GGCX: variants seen among roughly 807,000 people sequenced by gnomAD.
The protein encoded by GGCX is vitamin K-dependent gamma-carboxylase.
GGCX carries 63 observed loss-of-function variants against 88.5 expected under a neutral mutation model. The observed-to-expected ratio is 0.71, with a 90% confidence interval of 0.58 to 0.88. The LOEUF is 0.88. GGCX is among the 40% of genes least tolerant of loss of function. The probability of loss-of-function intolerance (pLI) is 0.00; values close to 1 mark genes in which losing one functional copy is unlikely to be tolerated. For missense variants in GGCX, 805 were observed against 932.9 expected (o/e 0.86, Z 1.79); for synonymous variants, 368 against 365.8 (o/e 1.01, Z -0.07).
rs1691804357 is a variant in GGCX, at chr2:85,549,115, C to T, written c.*819G>A. ...AATTAAGAAAACATGTTTTAAGCTG[C>T]ATTATTTCAGATTATCAGTGATTCT... is the stretch of plus-strand genomic sequence containing the variant. On this transcript the variant is annotated 3_prime_UTR_variant, in exon 15 of 15. Coordinates refer to ENST00000233838, the MANE Select transcript of GGCX (RefSeq NM_000821.7). 1 of 152,208 alleles carries T rather than the reference C, an allele frequency of 6.6e-6. No homozygotes were observed. The highest frequency in any genetic ancestry group is 2.4e-5 in the African/African-American group (1 of 41,458). 9.4% of individuals were successfully genotyped at this position (152,208 alleles called of 1,614,324 possible).
At chr2:85,551,636 C>G in intron 11 of GGCX, 26 bp from the exon 12 acceptor site, 5 of 1,612,416 alleles carry the variant, frequency 3.1e-6, no homozygotes, top group Non-Finnish European at 4.2e-6. Context: ...AGTTCATCAT[C>G]CCACCCCATG....
intron 4 of GGCX, among the ~76,000 whole-genome samples, chr2:85,557,550 T>C (rs1412947797): frequency 6.6e-6 from 1 of 152,192 alleles, no homozygotes; most frequent in East Asian, 1.9e-4. Context: ...CTTAATTCTC[T>C]ATGATCAGAG....
chr2:85,560,991 A>G lies in GGCX; in HGVS notation c.44-6T>C. 6.2e-7 allele frequency: 1 copy of G among 1,610,644 alleles called. No homozygotes were observed. The highest frequency in any genetic ancestry group is 8.5e-7 in the Non-Finnish European group (1 of 1,176,784). The stretch of plus-strand genomic sequence containing the variant: ...CTTGTCTTTCTGTACTTTATCTGCA[A>G]TCAATAAATGGAGAAAATATGTGTG... On this transcript the variant is annotated splice_region_variant and splice_polypyrimidine_tract_variant and intron_variant, in intron 1 of 14. Coordinates refer to ENST00000233838, the MANE Select transcript of GGCX (RefSeq NM_000821.7).
rs1008205514 is a variant in GGCX, at chr2:85,547,109, CAG to C, written c.*2823_*2824del. ...AAGGTGGTGGAGGAACATTAGGCCA[CAG>C]GGAGCAGAGGGAAAGCATAACAGCA... On this transcript the variant is annotated 3_prime_UTR_variant, in exon 15 of 15. Transcript: ENST00000233838. 1 of 152,204 alleles carries C rather than the reference CAG, an allele frequency of 6.6e-6. No homozygotes were observed. The highest frequency in any genetic ancestry group is 2.4e-5 in the African/African-American group (1 of 41,414). 9.4% of individuals were successfully genotyped at this position (152,204 alleles called of 1,614,324 possible).
At position 85,553,071 on chromosome 2, in the gene GGCX, C is replaced by T; in HGVS notation, c.1156-1G>A. On this transcript the variant is annotated splice_acceptor_variant, in intron 8 of 14. Coordinates refer to ENST00000233838, the MANE Select transcript of GGCX (RefSeq NM_000821.7). LOFTEE classifies it high-confidence loss of function. The stretch of plus-strand genomic sequence containing the variant: ...GCCCATTTGTCCAGTTGTTATAGCC[C>T]TGGGAAGGCAGCACAGAGGGGAATC... 1 of 1,614,186 alleles carries T rather than the reference C, an allele frequency of 6.2e-7. No individual in the cohort carries two copies. Among genetic ancestry groups the T allele is most frequent in the Non-Finnish European group, 8.5e-7 (1 of 1,180,026 alleles).
chr2:85,550,205 C>A, intron 14 of GGCX, 79 bp from the exon 15 acceptor site: 1 of 1,044,706 alleles, frequency 9.6e-7, no homozygotes, highest in Non-Finnish European at 1.5e-6. Flanking sequence ...TTAGAAGGCA[C>A]CTGGTCCTCA....
Position 85,549,596 on chromosome 2 carries a change from A to G in GGCX, c.*338T>C, listed in dbSNP as rs539761806. 2.5e-3 allele frequency: 805 copies of G among 316,468 alleles called. 3 individuals carry two copies. Among genetic ancestry groups the G allele is most frequent in the Non-Finnish European group, 3.3e-3 (539 of 164,300 alleles). 19.6% of individuals were successfully genotyped at this position (316,468 alleles called of 1,614,324 possible). On this transcript the variant is annotated 3_prime_UTR_variant, in exon 15 of 15. Transcript: ENST00000233838. ...GGCTGGTCTCGAACTCCTGGCCTCA[A>G]GTGATCTGCCCACCTCAGCCTCCCA...
chr2:85,554,058 C>T, intron 7 of GGCX, 85 bp downstream of exon 7: 1 of 1,078,172 alleles, frequency 9.3e-7, no homozygotes, highest in Non-Finnish European at 1.4e-6. Flanking sequence ...TCACACCACC[C>T]TCTCCCACTC....
rs1374948696 is a variant in GGCX at position 85,560,917 on chromosome 2, A to G, written c.112T>C (p.Leu38=). ...PRQDSRIGKL[L]GFEWTDLSSW... ...GACAAATCTGTCCACTCAAAACCCA[A>G]GAGTTTCCCTATTCGGCTGTCCTGC... The change falls in exon 2 of 15, where the codon TTG becomes CTG. Residue 38 remains leucine, a synonymous_variant. Transcript: ENST00000233838. 3.1e-6 allele frequency: 5 copies of G among 1,614,020 alleles called. No homozygotes were observed. The highest frequency in any genetic ancestry group is 4.2e-6 in the Non-Finnish European group (5 of 1,179,840).
intron 7 of GGCX, 124 bp from the exon 8 acceptor site, chr2:85,553,621 A>G (rs1418652026): frequency 1.1e-6 from 1 of 933,820 alleles, no homozygotes; most frequent in Non-Finnish European, 1.7e-6. Flanking sequence ...TTTTTTTTTG[A>G]GACAGTCTTT....
chr2:85,549,799 A>C lies in GGCX; in HGVS notation c.*135T>G. 1 of 667,632 alleles carries C rather than the reference A, an allele frequency of 1.5e-6. No homozygotes were observed. The allele number at this position is 667,632 out of a possible 1,614,324, so 41.4% of individuals were successfully genotyped here. On this transcript the variant is annotated 3_prime_UTR_variant, in exon 15 of 15. Transcript: ENST00000233838. Reference sequence around the variant, plus strand: ...TCCTCTAAGTTGTAATCTCGGAGTTAAAAACAGCTTTAGAACCCCGCCCCC... The same window carrying C: ...TCCTCTAAGTTGTAATCTCGGAGTTCAAAACAGCTTTAGAACCCCGCCCCC...
intron 3 of GGCX, 116 bp from the exon 4 acceptor site, chr2:85,558,721 T>A: frequency 1.1e-6 from 1 of 923,282 alleles, no homozygotes; most frequent in Non-Finnish European, 1.8e-6. Context: ...CACATAAAAC[T>A]AAATGAAAAT....
Position 85,558,432 on chromosome 2 carries a change from A to G in GGCX, c.539+8T>C. The G allele has an allele frequency of 6.2e-7, 1 of 1,612,312 alleles. No homozygotes were observed. Among genetic ancestry groups the G allele is most frequent in the African/African-American group, 1.3e-5 (1 of 74,958 alleles). ...CAACCCCTCCCCTTTGTCCCCCCTG[A>G]CTCATACCAGTAGTGGTTTGCATCC... On this transcript the variant is annotated splice_region_variant and intron_variant, in intron 4 of 14. Transcript: ENST00000233838.
intron 6 of GGCX, chr2:85,555,235 G>A (rs779923481): frequency 1.5e-5 from 6 of 393,332 alleles, no homozygotes; most frequent in Non-Finnish European, 2.9e-5. Flanking sequence ...AGCCAGTTCC[G>A]GCTCTTTCCT....
chr2:85,550,741 G>A lies in GGCX; in HGVS notation c.1898C>T (p.Pro633Leu). 1 of 1,613,866 alleles carries A rather than the reference G, an allele frequency of 6.2e-7. No homozygotes were observed. Among genetic ancestry groups the A allele is most frequent in the East Asian group, 2.2e-5 (1 of 44,892 alleles). Reference protein sequence around the residue: ...EKVENGSETGPLPPELQPLLE... With the variant: ...EKVENGSETGLLPPELQPLLE... ...CAGAGGCTGCAGCTCTGGGGGTAGA[G>A]GCCCTGTTTCTGCCCGGAAGACAGA... Residue 633 changes from proline (P) to leucine (L), a missense_variant, in exon 14 of 15, where the codon CCT becomes CTT. Physicochemically the swap from Pro to Leu is moderately conservative, Grantham distance 98. This residue lies in a region of GGCX where 680 missense variants were observed against 763.7 expected (regional missense o/e 0.89). Coordinates refer to ENST00000233838, the MANE Select transcript of GGCX (RefSeq NM_000821.7).
chr2:85,552,932 A>T lies in GGCX; in HGVS notation c.1287+7T>A. 6.2e-7 allele frequency: 1 copy of T among 1,614,176 alleles called. No homozygotes were observed. Among genetic ancestry groups the T allele is most frequent in the East Asian group, 2.2e-5 (1 of 44,892 alleles). On this transcript the variant is annotated splice_region_variant and intron_variant, in intron 9 of 14. Coordinates refer to ENST00000233838, the MANE Select transcript of GGCX (RefSeq NM_000821.7). ...GAACAGTAAATTGTCAGCATCAGAC[A>T]TCTCACCCCAGGGTTAAGGTAGCCC... is the stretch of plus-strand genomic sequence containing the variant.
intron 1 of GGCX, 110 bp downstream of exon 1, chr2:85,561,276 A>T: frequency 7.2e-6 from 4 of 557,282 alleles, no homozygotes; most frequent in African/African-American, 3.6e-5. Context: ...TTCCCCACAG[A>T]GGACCCCCCC....
chr2:85,559,450 C>T (rs1310278430), intron 2 of GGCX, among the ~76,000 whole-genome samples: 1 of 151,362 alleles, frequency 6.6e-6, no homozygotes, highest in South Asian at 2.1e-4. Flanking sequence ...CGGTGGCTCA[C>T]GCCTGTAATC....
Position 85,551,092 on chromosome 2 carries a change from G to A in GGCX, c.1741-20C>T, listed in dbSNP as rs575640895. ...AGGCAACTGACAAGGGAGAAGAAAT[G>A]GATAAATTTCATCAGCTTTTCTCTA... On this transcript the variant is annotated intron_variant, in intron 12 of 14. Transcript: ENST00000233838. 1.7e-5 allele frequency: 28 copies of A among 1,611,364 alleles called. No homozygotes were observed. In the East Asian group the frequency reaches 5.1e-4, roughly 30 times the overall value.
Sources: allele counts gnomAD v4.1 joint callset (sites outside exome capture counted in the v4.1 genomes callset), GRCh38; gene constraint gnomAD v4.1.1; regional missense constraint gnomAD v4.1.1; transcripts MANE v1.5; gene names NCBI Gene and HGNC (gene_info 2026-07-23, HGNC 2026-07-21).